Variants in FBH1 observed in about 807,000 individuals in gnomAD.
The protein encoded by FBH1 is F-box DNA helicase 1.
In FBH1, 43 loss-of-function variants were observed where a neutral mutation model predicts 115.5. That is an observed-to-expected ratio of 0.37 (90% CI 0.29 to 0.48). FBH1 has a LOEUF of 0.48. FBH1 is among the 20% of genes least tolerant of loss of function. FBH1 has a pLI of 0.99. For missense variants in FBH1, 1,001 were observed against 1,337.3 expected, an observed-to-expected ratio of 0.75 and a Z score of 3.92; for synonymous variants, 524 against 507.8, an observed-to-expected ratio of 1.03 and a Z score of -0.43.
Position 5,917,482 on chromosome 10 carries a change from A to G in FBH1, c.1851A>G (p.Glu617=). The change falls in exon 11 of 21, where the codon GAA becomes GAG. Residue 617 remains glutamate (E), a synonymous_variant. Transcript: ENST00000362091. The surrounding 1 kb of genome is among the most constrained non-coding windows in gnomAD (Gnocchi z 5.6). ...DNMRKLGECT[E]EAHQMTHDGY... is the part of the protein sequence containing the mutation. The stretch of plus-strand genomic sequence containing the variant: ...TGCGGAAGCTGGGGGAGTGCACAGA[A>G]GAGGCGCACCAGATGACTCATGACG... 1 of 1,614,236 alleles carries G rather than the reference A, an allele frequency of 6.2e-7. No homozygotes were observed. Among genetic ancestry groups the G allele is most frequent in the Non-Finnish European group, 8.5e-7 (1 of 1,180,040 alleles).
chr10:5,936,451 C>T lies in FBH1; in HGVS notation c.2830-5C>T. ...TGACTCTCTTTCTCGCTCTTTCTTTCTCAGGAGTACTTCTTGCAAGCAGAG... is the reference window on the plus strand; with the variant it reads ...TGACTCTCTTTCTCGCTCTTTCTTTTTCAGGAGTACTTCTTGCAAGCAGAG... On this transcript the variant is annotated splice_polypyrimidine_tract_variant and splice_region_variant and intron_variant, in intron 19 of 20. Transcript: ENST00000362091. The surrounding 1 kb of genome is among the most constrained non-coding windows in gnomAD (Gnocchi z 5.6). 6.2e-7 allele frequency: 1 copy of T among 1,613,368 alleles called. No homozygotes were observed. Among genetic ancestry groups the T allele is most frequent in the Non-Finnish European group, 8.5e-7 (1 of 1,179,698 alleles).
rs527965555 is a variant in FBH1 at position 5,932,139 on chromosome 10, C to A, written c.2830-4317C>A. ...TCCAGCCTGGGTGACAGAGTGAGAC[C>A]CTGTCTCAAAAGAAAAGATCAAAAC... On this transcript the variant is annotated intron_variant, in intron 19 of 20. Coordinates refer to ENST00000362091, the MANE Select transcript of FBH1 (RefSeq NM_178150.3). The surrounding 1 kb of genome is among the most constrained non-coding windows in gnomAD (Gnocchi z 5.9). Among the ~76,000 whole-genome samples the A allele has an allele frequency of 1.3e-5, 2 of 152,032 alleles. No individual in the cohort carries two copies. The highest frequency in any genetic ancestry group is 2.9e-5 in the Non-Finnish European group (2 of 68,016).
At chr10:5,899,952 G>C (rs1308157054) in intron 1 of FBH1, among the ~76,000 whole-genome samples, 2 of 152,208 alleles carry the variant, frequency 1.3e-5, no homozygotes, top group African/African-American at 4.8e-5. Context: ...AAGATGATTT[G>C]CTGTTGTTTT....
intron 1 of FBH1, among the ~76,000 whole-genome samples, chr10:5,893,104 T>C (rs1284382761): frequency 6.6e-6 from 1 of 152,198 alleles, no homozygotes; most frequent in Non-Finnish European, 1.5e-5. Flanking sequence ...TCAGGAGTTC[T>C]AGACCAGCCT....
chr10:5,904,312 T>C (rs1018972977), intron 2 of FBH1, among the ~76,000 whole-genome samples: 12 of 152,188 alleles, frequency 7.9e-5, no homozygotes, highest in African/African-American at 2.7e-4. Flanking sequence ...GGATTACAGG[T>C]GCGAGCCACC....
chr10:5,905,576 A>C (rs1463438557), intron 2 of FBH1, among the ~76,000 whole-genome samples: 1 of 152,196 alleles, frequency 6.6e-6, no homozygotes, highest in Non-Finnish European at 1.5e-5. Flanking sequence ...AGCACTGTCA[A>C]ATGAGAAGAG....
chr10:5,903,295 A>T, intron 2 of FBH1, 120 bp downstream of exon 2: 2 of 650,982 alleles, frequency 3.1e-6, no homozygotes, highest in Non-Finnish European at 4.6e-6. Context: ...TTCATGCAAT[A>T]GCTTGACACT....
At chr10:5,908,844 C>T (rs1442527581) in intron 3 of FBH1, 81 bp from the exon 4 acceptor site, 1 of 1,488,340 alleles carries the variant, frequency 6.7e-7, no homozygotes, top group East Asian at 2.3e-5. Context: ...CTCCTGACCT[C>T]AGGCGATCTG....
chr10:5,923,767 C>G lies in FBH1; in HGVS notation c.2398+71C>G, dbSNP rs1191699577. On this transcript the variant is annotated intron_variant, in intron 16 of 20. Coordinates refer to ENST00000362091, the MANE Select transcript of FBH1 (RefSeq NM_178150.3). The surrounding 1 kb of genome is among the most constrained non-coding windows in gnomAD (Gnocchi z 5.7). ...TGACAGGGACGAGAAAGAAGCAGGC[C>G]CAGTCTGAGTCAGGGACCCGTTTCC... 21 of 1,411,368 alleles carry G rather than the reference C, an allele frequency of 1.5e-5. No homozygotes were observed. In the Admixed American group the frequency reaches 1.6e-4, roughly 11 times the overall value. The allele number at this position is 1,411,368 out of a possible 1,614,324, so 87.4% of individuals were successfully genotyped here. A position where few individuals can be genotyped will look rare whatever the true frequency, so the allele number is the denominator to read the frequency against.
chr10:5,916,356 T>A lies in FBH1; in HGVS notation c.1688T>A (p.Phe563Tyr), dbSNP rs769534923. ...CTTGTGTGTAAGACTCTAGAAAACT[T>A]CTTTGCCTCGGCTGACGAAGAGCTG... ...AKLVCKTLEN[F>Y]FASADEELTI... Residue 563 changes from phenylalanine to tyrosine, a missense_variant, in exon 10 of 21, where the codon TTC (phenylalanine) becomes TAC (tyrosine). By Grantham distance (22) the Phe-to-Tyr change is conservative. This residue lies in a region of FBH1 where 521 missense variants were observed against 811.0 expected (regional missense o/e 0.64). Coordinates refer to ENST00000362091, the MANE Select transcript of FBH1 (RefSeq NM_178150.3). The A allele has an allele frequency of 6.8e-6, 11 of 1,614,112 alleles. No individual in the cohort carries two copies. The East Asian group carries it at 2.4e-4, about 36-fold the overall frequency.
chr10:5,912,061 C>A (rs1037854019), intron 6 of FBH1, among the ~76,000 whole-genome samples: 1 of 151,912 alleles, frequency 6.6e-6, no homozygotes, highest in African/African-American at 2.4e-5. Context: ...TTACAGGCCC[C>A]GATTAGAAGG....
Position 5,906,224 on chromosome 10 carries a change from G to T in FBH1, c.345G>T (p.Gly115=), listed in dbSNP as rs1843682207. The T allele has an allele frequency of 3.6e-5, 58 of 1,614,236 alleles. No individual in the cohort carries two copies. Among genetic ancestry groups the T allele is most frequent in the Non-Finnish European group, 4.8e-5 (57 of 1,180,034 alleles). The change falls in exon 3 of 21, where the codon GGG becomes GGT. Residue 115 remains glycine, a synonymous_variant. Transcript: ENST00000362091. This position sits in a 1 kb window ranked among gnomAD's most constrained non-coding sequence, Gnocchi z 7.3. The part of the protein sequence containing the change: ...QEGSAGPGSP[G]SAPPSRKRSW... ...GCAGTGCAGGGCCGGGCTCACCAGGGTCTGCCCCGCCCTCCAGGAAGCGGT... is the reference window on the plus strand; with the variant it reads ...GCAGTGCAGGGCCGGGCTCACCAGGTTCTGCCCCGCCCTCCAGGAAGCGGT...
Position 5,909,637 on chromosome 10 carries a change from A to T in FBH1, c.1020+343A>T, listed in dbSNP as rs1831438377. 6.6e-6 allele frequency among the ~76,000 whole-genome samples: 1 copy of T among 152,196 alleles called. No individual in the cohort carries two copies. The highest frequency in any genetic ancestry group is 6.5e-5 in the Admixed American group (1 of 15,280). On this transcript the variant is annotated intron_variant, in intron 5 of 20. Coordinates refer to ENST00000362091, the MANE Select transcript of FBH1 (RefSeq NM_178150.3). This position sits in a 1 kb window ranked among gnomAD's most constrained non-coding sequence, Gnocchi z 4.4. ...CAAGACAGCCCACCCCATTATCAACAAGTTTGCTTATTTGAAAGGGACAGA... is the reference window on the plus strand; with the variant it reads ...CAAGACAGCCCACCCCATTATCAACTAGTTTGCTTATTTGAAAGGGACAGA...
chr10:5,889,906 C>T (rs553576700), upstream of FBH1: 5 of 165,444 alleles, frequency 3.0e-5, no homozygotes, highest in East Asian at 8.2e-4. Flanking sequence ...CCTCCAGCCC[C>T]TGGGGGCCGG....
intron 1 of FBH1, chr10:5,894,349 A>C: frequency 6.4e-7 from 1 of 1,560,484 alleles, no homozygotes. Context: ...ATTTTAAAAA[A>C]ATGTAATATG....
rs966607813 is a variant in FBH1, at chr10:5,924,768, G to T, written c.2596+260G>T. 1 of 534,932 alleles carries T rather than the reference G, an allele frequency of 1.9e-6. No homozygotes were observed. The highest frequency in any genetic ancestry group is 1.9e-5 in the African/African-American group (1 of 53,032). The allele number at this position is 534,932 out of a possible 1,614,324, so 33.1% of individuals were successfully genotyped here. On this transcript the variant is annotated intron_variant, in intron 17 of 20. Coordinates refer to ENST00000362091, the MANE Select transcript of FBH1 (RefSeq NM_178150.3). The surrounding 1 kb of genome is among the most constrained non-coding windows in gnomAD (Gnocchi z 6.2). ...TTTTGTAGAGATGGAGTCTCACCAT[G>T]TTGGCCAGGCTGGTCTCGAACTCCC...
chr10:5,903,666 T>C (rs774325032), intron 2 of FBH1, among the ~76,000 whole-genome samples: 2 of 151,976 alleles, frequency 1.3e-5, no homozygotes, highest in Non-Finnish European at 2.9e-5. Flanking sequence ...TATCATAGTT[T>C]GTAAAAGCTG....
chr10:5,898,190 GTC>G (rs750818481), intron 1 of FBH1, among the ~76,000 whole-genome samples: 3 of 152,228 alleles, frequency 2.0e-5, no homozygotes, highest in East Asian at 1.9e-4. Flanking sequence ...ATAAGCAGAA[GTC>G]TCTCTCACTC....
At chr10:5,929,186 A>C (rs1318344241) in intron 19 of FBH1, among the ~76,000 whole-genome samples, 1 of 152,242 alleles carries the variant, frequency 6.6e-6, no homozygotes, top group Admixed American at 6.5e-5. Context: ...GAGCCCATCC[A>C]GGCGAGGAGA....
Sources: allele counts gnomAD v4.1 joint callset (sites outside exome capture counted in the v4.1 genomes callset), GRCh38; gene constraint gnomAD v4.1.1; regional missense constraint gnomAD v4.1.1; non-coding constraint Gnocchi (gnomAD v3.1); transcripts MANE v1.5; gene names NCBI Gene and HGNC (gene_info 2026-07-23, HGNC 2026-07-21).